The following GCLC variants were observed in gnomAD, a reference collection of about 807,000 sequenced individuals.
The protein encoded by GCLC is glutamate-cysteine ligase catalytic subunit.
Under a neutral mutation model 81.5 loss-of-function variants are expected in GCLC, and 30 were observed. The ratio of observed to expected loss-of-function variants is 0.37; its 90% CI spans 0.28 to 0.50. The LOEUF (loss-of-function observed/expected upper bound fraction) is 0.50, where lower values mean the gene tolerates loss of function less well. Ranked by LOEUF, GCLC falls within the 20% of genes least tolerant of loss-of-function variation. GCLC has a pLI of 0.96. For missense variants in GCLC, 556 were observed against 777.4 expected (o/e 0.72, Z 3.39); for synonymous variants, 262 against 273.3 (o/e 0.96, Z 0.41).
At position 53,506,360 on chromosome 6, in the gene GCLC, TGA is replaced by T; in HGVS notation, c.1198-467_1198-466del. 4.2e-6 allele frequency: 1 copy of T among 240,670 alleles called. No homozygotes were observed. The highest frequency in any genetic ancestry group is 8.1e-6 in the Non-Finnish European group (1 of 122,824). 14.9% of individuals were successfully genotyped at this position (240,670 alleles called of 1,614,324 possible). A position where few individuals can be genotyped will look rare whatever the true frequency, so the allele number is the denominator to read the frequency against. ...GAAGGGTAGCTGTTTCTCAATACAC[TGA>T]GAGAGAGTTCTTTCTCCGTCCTGAC... On this transcript the variant is annotated intron_variant, in intron 10 of 15. Coordinates refer to ENST00000650454, the MANE Select transcript of GCLC (RefSeq NM_001498.4). The surrounding 1 kb of genome is among the most constrained non-coding windows in gnomAD (Gnocchi z 4.0).
rs1764603809 is a variant in GCLC at position 53,505,837 on chromosome 6, T to G, written c.1256A>C (p.Asp419Ala). The G allele has an allele frequency of 6.2e-7, 1 of 1,610,170 alleles. No homozygotes were observed. Among genetic ancestry groups the G allele is most frequent in the Non-Finnish European group, 8.5e-7 (1 of 1,176,510 alleles). ...TCGAAATTCTACTCTCCATCCAATG[T>G]CTGAGTTTGGAGGAGGGGGCTTAAA... ...MRFKPPPPNS[D>A]IGWRVEFRPM... The change falls in exon 11 of 16, where the codon GAC becomes GCC. Residue 419 changes from aspartate (D) to alanine (A), a missense_variant. This residue lies in a region of GCLC where 313 missense variants were observed against 437.3 expected (regional missense o/e 0.72). Transcript: ENST00000650454.
At chr6:53,528,828 C>T (rs1011916127) in intron 1 of GCLC, among the ~76,000 whole-genome samples, 1 of 152,176 alleles carries the variant, frequency 6.6e-6, no homozygotes, top group Non-Finnish European at 1.5e-5. Flanking sequence ...GAGTAACTTT[C>T]TCAATATTGT....
chr6:53,538,086 A>T (rs1323350628), intron 1 of GCLC, among the ~76,000 whole-genome samples: 1 of 150,722 alleles, frequency 6.6e-6, no homozygotes, highest in Non-Finnish European at 1.5e-5. Flanking sequence ...ATTTTTAAAT[A>T]GGATCATACA....
At chr6:53,499,768 G>A (rs1442828443) in intron 15 of GCLC, among the ~76,000 whole-genome samples, 2 of 152,108 alleles carry the variant, frequency 1.3e-5, no homozygotes, top group Non-Finnish European at 2.9e-5. Context: ...ACAGTTGGAC[G>A]TAAATGATAA....
intron 3 of GCLC, 91 bp downstream of exon 3, chr6:53,520,687 T>G: frequency 1.0e-6 from 1 of 995,596 alleles, no homozygotes; most frequent in Non-Finnish European, 1.6e-6. Flanking sequence ...CGTATGAGGA[T>G]TGTAAGGTGG....
intron 3 of GCLC, among the ~76,000 whole-genome samples, chr6:53,518,423 G>C (rs190092705): frequency 6.6e-6 from 1 of 152,136 alleles, no homozygotes; most frequent in Non-Finnish European, 1.5e-5. Context: ...GCTAATTTTT[G>C]TATTTTTTGT....
At chr6:53,509,138 C>G (rs182558102) in intron 7 of GCLC, 38 bp downstream of exon 7, 1 of 1,197,458 alleles carries the variant, frequency 8.4e-7, no homozygotes, top group Non-Finnish European at 1.2e-6. Context: ...TTATTTCATA[C>G]GAAGTAGTAT....
intron 1 of GCLC, among the ~76,000 whole-genome samples, chr6:53,537,621 A>G (rs1763277750): frequency 6.6e-6 from 1 of 150,876 alleles, no homozygotes. Context: ...CTCAAAATAA[A>G]TAAATAAATA....
At chr6:53,534,476 C>CCAAAAAG (rs1561951165) in intron 1 of GCLC, among the ~76,000 whole-genome samples, 1 of 143,298 alleles carries the variant, frequency 7.0e-6, no homozygotes, top group African/African-American at 2.7e-5. Flanking sequence ...ACCTGAAAAA[C>CCAAAAAG]CAAAAAACAA....
At position 53,505,880 on chromosome 6, in the gene GCLC, T is replaced by A; in HGVS notation, c.1213A>T (p.Asn405Tyr). 1 of 1,604,628 alleles carries A rather than the reference T, an allele frequency of 6.2e-7. No homozygotes were observed. The highest frequency in any genetic ancestry group is 8.5e-7 in the Non-Finnish European group (1 of 1,171,372). The part of the protein sequence containing the change: ...SDHFENIQST[N>Y]WQTMRFKPPP... The stretch of plus-strand genomic sequence containing the variant: ...GGCTTAAATCTCATTGTCTGCCAAT[T>A]TGTGGACTGAATATTCTGTGATACA... Residue 405 changes from asparagine to tyrosine, a missense_variant, in exon 11 of 16, where the codon AAT becomes TAT. Asn to Tyr is a moderately radical substitution (Grantham distance 143). Around this residue, in one of 3 missense-constraint regions of GCLC, gnomAD observed 313 missense variants for 437.3 expected, o/e 0.72. Transcript: ENST00000650454.
rs1311339271 is a variant in GCLC at position 53,506,703 on chromosome 6, A to G, written c.1197+210T>C. 3 of 553,222 alleles carry G rather than the reference A, an allele frequency of 5.4e-6. No individual in the cohort carries two copies. Among genetic ancestry groups the G allele is most frequent in the Non-Finnish European group, 9.7e-6 (3 of 309,332 alleles). The allele number at this position is 553,222 out of a possible 1,614,324, so 34.3% of individuals were successfully genotyped here. A position where few individuals can be genotyped will look rare whatever the true frequency, so the allele number is the denominator to read the frequency against. On this transcript the variant is annotated intron_variant, in intron 10 of 15. Transcript: ENST00000650454. This position sits in a 1 kb window ranked among gnomAD's most constrained non-coding sequence, Gnocchi z 4.0. ...TGAGATAAACAGTAAGAATCGTAAA[A>G]TAAGAGTACTTGAAACCGATTTTTT...
At chr6:53,540,471 G>A (rs1763333748) in intron 1 of GCLC, among the ~76,000 whole-genome samples, 1 of 152,078 alleles carries the variant, frequency 6.6e-6, no homozygotes, top group East Asian at 1.9e-4. Flanking sequence ...CAAACTCATA[G>A]AATCAGAAAG....
In GCLC at chr6:53,506,275, T is replaced by G. The variant is rs949319149; in HGVS notation, c.1198-380A>C. On this transcript the variant is annotated intron_variant, in intron 10 of 15. Coordinates refer to ENST00000650454, the MANE Select transcript of GCLC (RefSeq NM_001498.4). This position sits in a 1 kb window ranked among gnomAD's most constrained non-coding sequence, Gnocchi z 4.0. ...ATCTGAGAACCCTGTCACATGACAG[T>G]TGTTTCCTTTCTTCCTCCTCTCCTG... 19 of 304,664 alleles carry G rather than the reference T, an allele frequency of 6.2e-5. No individual in the cohort carries two copies. The highest frequency in any genetic ancestry group is 1.2e-4 in the Non-Finnish European group (19 of 158,740). The allele number at this position is 304,664 out of a possible 1,614,324, so 18.9% of individuals were successfully genotyped here.
intron 2 of GCLC, 75 bp downstream of exon 2, chr6:53,522,340 A>G: frequency 1.1e-6 from 1 of 890,994 alleles, no homozygotes; most frequent in Non-Finnish European, 1.9e-6. Flanking sequence ...CCTGCCTCCA[A>G]TAATTGAGAA....
chr6:53,540,593 C>T (rs1356114810), intron 1 of GCLC, among the ~76,000 whole-genome samples: 1 of 151,688 alleles, frequency 6.6e-6, no homozygotes, highest in Non-Finnish European at 1.5e-5. Flanking sequence ...AAAACATTGC[C>T]CCTGTAGTTA....
At chr6:53,516,782 C>G (rs185706565) in intron 3 of GCLC, among the ~76,000 whole-genome samples, 12 of 152,304 alleles carry the variant, frequency 7.9e-5, no homozygotes, top group African/African-American at 2.9e-4. Flanking sequence ...CCATCTACCC[C>G]TGAGATCACC....
chr6:53,513,969 GGTA>G, intron 6 of GCLC: 1 of 538,852 alleles, frequency 1.9e-6, no homozygotes, highest in Non-Finnish European at 3.3e-6. Flanking sequence ...CAGTTATAAA[GGTA>G]TATATACCGT....
rs1764429745 is a variant in GCLC, at chr6:53,498,714, T to C, written c.*42A>G. The C allele has an allele frequency of 1.7e-6, 2 of 1,211,422 alleles. No individual in the cohort carries two copies. Among genetic ancestry groups the C allele is most frequent in the South Asian group, 1.2e-5 (1 of 82,786 alleles). The allele number at this position is 1,211,422 out of a possible 1,614,324, so 75.0% of individuals were successfully genotyped here. On this transcript the variant is annotated 3_prime_UTR_variant, in exon 16 of 16. Transcript: ENST00000650454. The stretch of plus-strand genomic sequence containing the variant: ...GGGCTGGCTGAGAGGCATGGTACTG[T>C]AGCCAGTTCGTCAATAATGCATTTT...
chr6:53,541,764 C>T (rs2127632077), intron 1 of GCLC, among the ~76,000 whole-genome samples: 1 of 152,272 alleles, frequency 6.6e-6, no homozygotes, highest in Admixed American at 6.5e-5. Context: ...TAATTTATGA[C>T]AGAGTATTTG....
Sources: allele counts gnomAD v4.1 joint callset (sites outside exome capture counted in the v4.1 genomes callset), GRCh38; gene constraint gnomAD v4.1.1; regional missense constraint gnomAD v4.1.1; non-coding constraint Gnocchi (gnomAD v3.1); transcripts MANE v1.5; gene names NCBI Gene and HGNC (gene_info 2026-07-23, HGNC 2026-07-21).